The following NDUFS4 variants were observed in gnomAD, a reference collection of about 807,000 sequenced individuals.
The protein encoded by NDUFS4 is NADH:ubiquinone oxidoreductase subunit S4.
A neutral mutation model predicts 24.3 loss-of-function variants in NDUFS4; 28 were observed. That is an observed-to-expected ratio of 1.15 (90% CI 0.85 to 1.58). The LOEUF (loss-of-function observed/expected upper bound fraction) is 1.58, where lower values mean the gene tolerates loss of function less well. Ranked by LOEUF, NDUFS4 falls within the 40% of genes most tolerant of loss-of-function variation. NDUFS4 has a pLI of 0.00. For synonymous variants in NDUFS4, 93 were observed against 69.7 expected (o/e 1.34, Z -1.67); for missense variants, 223 against 207.9 (o/e 1.07, Z -0.45).
intron 1 of NDUFS4, among the ~76,000 whole-genome samples, chr5:53,563,377 T>C (rs1240334956): frequency 6.6e-6 from 1 of 151,434 alleles, no homozygotes; most frequent in Non-Finnish European, 1.5e-5. Context: ...AATCTAGTAA[T>C]GTGGGTGATT....
chr5:53,634,912 G>A (rs187496567), intron 2 of NDUFS4, among the ~76,000 whole-genome samples: 8 of 152,010 alleles, frequency 5.3e-5, no homozygotes, highest in Non-Finnish European at 1.0e-4. Flanking sequence ...AATCTGGCTG[G>A]GTGTGGTGGC....
chr5:53,664,479 A>G (rs921142363), intron 4 of NDUFS4, among the ~76,000 whole-genome samples: 7 of 152,278 alleles, frequency 4.6e-5, no homozygotes, highest in African/African-American at 1.7e-4. Flanking sequence ...AATCAGACGT[A>G]GATTTGGTCT....
At chr5:53,561,288 C>T (rs1305967934) in intron 1 of NDUFS4, among the ~76,000 whole-genome samples, 1 of 152,104 alleles carries the variant, frequency 6.6e-6, no homozygotes, top group Non-Finnish European at 1.5e-5. Context: ...GTAAAAATAT[C>T]ACTGCTAGTA....
intron 2 of NDUFS4, among the ~76,000 whole-genome samples, chr5:53,618,022 A>C (rs1346542435): frequency 6.6e-6 from 1 of 152,104 alleles, no homozygotes; most frequent in East Asian, 1.9e-4. Context: ...CACAACTGTA[A>C]CCCCAGCACT....
intron 4 of NDUFS4, among the ~76,000 whole-genome samples, chr5:53,674,615 A>C (rs1218785435): frequency 1.3e-5 from 2 of 152,182 alleles, no homozygotes; most frequent in Non-Finnish European, 1.5e-5. Flanking sequence ...AGCCTTAAAA[A>C]ATAATTAAAA....
chr5:53,636,868 G>A (rs775014757), intron 2 of NDUFS4, among the ~76,000 whole-genome samples: 3 of 152,136 alleles, frequency 2.0e-5, no homozygotes, highest in Non-Finnish European at 2.9e-5. Context: ...ACGTGAAGAT[G>A]CCTGCTCTGG....
At chr5:53,620,136 A>AG (rs1750986150) in intron 2 of NDUFS4, among the ~76,000 whole-genome samples, 4 of 152,076 alleles carry the variant, frequency 2.6e-5, no homozygotes, top group Admixed American at 2.6e-4. Flanking sequence ...AAAAAAAAAA[A>AG]GTATCAACAT....
At chr5:53,605,088 G>A (rs997557385) in intron 2 of NDUFS4, among the ~76,000 whole-genome samples, 2 of 152,148 alleles carry the variant, frequency 1.3e-5, no homozygotes, top group African/African-American at 2.4e-5. Flanking sequence ...GGGCGTGGTG[G>A]CGGGTGCCTG....
chr5:53,655,219 C>T (rs186795848), intron 3 of NDUFS4, among the ~76,000 whole-genome samples: 1 of 152,148 alleles, frequency 6.6e-6, no homozygotes, highest in African/African-American at 2.4e-5. Flanking sequence ...ACAACCGGAA[C>T]ACACATGCAT....
chr5:53,651,652 G>T (rs1413987423), intron 3 of NDUFS4, among the ~76,000 whole-genome samples: 1 of 151,750 alleles, frequency 6.6e-6, no homozygotes, highest in African/African-American at 2.4e-5. Context: ...TTTTGCTGTG[G>T]GTCAAAGAAT....
chr5:53,594,368 G>C (rs184422267), intron 1 of NDUFS4, among the ~76,000 whole-genome samples: 4 of 152,182 alleles, frequency 2.6e-5, no homozygotes, highest in Admixed American at 2.6e-4. Context: ...GATTTGACTA[G>C]TGTTAACATG....
rs73754269 is a variant in NDUFS4, at chr5:53,612,647, G to A, written c.177+9117G>A. ...GCTACTTGAAAATTTCTTCCAAATA[G>A]CAATTAAACAGCACTTAAGCTTTGG... is the stretch of plus-strand genomic sequence containing the variant. On this transcript the variant is annotated intron_variant, in intron 2 of 4. Transcript: ENST00000296684. 7.3e-3 allele frequency among the ~76,000 whole-genome samples: 1,111 copies of A among 152,110 alleles called. 14 individuals carry two copies. The highest frequency in any genetic ancestry group is 0.026 in the African/African-American group (1,060 of 41,518).
At chr5:53,619,848 T>C (rs1293668559) in intron 2 of NDUFS4, among the ~76,000 whole-genome samples, 2 of 152,184 alleles carry the variant, frequency 1.3e-5, no homozygotes, top group African/African-American at 2.4e-5. Flanking sequence ...TGTATGGCTG[T>C]ACCATAATAC....
At chr5:53,577,504 G>A (rs1365393233) in intron 1 of NDUFS4, among the ~76,000 whole-genome samples, 1 of 150,310 alleles carries the variant, frequency 6.7e-6, no homozygotes, top group Non-Finnish European at 1.5e-5. Flanking sequence ...TTTGGTCCTA[G>A]TAAGGGGTCT....
chr5:53,639,256 G>C (rs960617198), intron 2 of NDUFS4, among the ~76,000 whole-genome samples: 3 of 151,688 alleles, frequency 2.0e-5, no homozygotes, highest in Admixed American at 1.3e-4. Context: ...TAGCAATTGT[G>C]AATTGTCATG....
intron 1 of NDUFS4, among the ~76,000 whole-genome samples, chr5:53,590,229 G>A (rs1749898992): frequency 6.6e-6 from 1 of 152,204 alleles, no homozygotes; most frequent in Admixed American, 6.5e-5. Context: ...CAGTAGAGGA[G>A]TAAACTGGTT....
intron 2 of NDUFS4, among the ~76,000 whole-genome samples, chr5:53,620,844 C>T (rs1034570703): frequency 6.6e-6 from 1 of 152,028 alleles, no homozygotes; most frequent in African/African-American, 2.4e-5. Flanking sequence ...TTTCTTGAGA[C>T]TTTTTTATCG....
intron 4 of NDUFS4, among the ~76,000 whole-genome samples, chr5:53,678,918 C>A (rs1000183688): frequency 8.6e-5 from 13 of 151,988 alleles, no homozygotes; most frequent in Admixed American, 5.9e-4. Context: ...CCTTTACATT[C>A]GAGTATAGTG....
Position 53,658,160 on chromosome 5 carries a change from G to A in NDUFS4, c.351-391G>A, listed in dbSNP as rs529962822. Among the ~76,000 whole-genome samples the A allele has an allele frequency of 2.6e-5, 4 of 152,216 alleles. No individual in the cohort carries two copies. The East Asian group carries it at 7.7e-4, about 29-fold the overall frequency. ...GAAGAAGTTAATTTAAAAAAAGAAT[G>A]TGTATTGTTGCATTTTCTTGAGTAA... On this transcript the variant is annotated intron_variant, in intron 3 of 4. Coordinates refer to ENST00000296684, the MANE Select transcript of NDUFS4 (RefSeq NM_002495.4).
Sources: allele counts gnomAD v4.1 joint callset (sites outside exome capture counted in the v4.1 genomes callset), GRCh38; gene constraint gnomAD v4.1.1; transcripts MANE v1.5; gene names NCBI Gene and HGNC (gene_info 2026-07-23, HGNC 2026-07-21).